The following LMBR1 variants were observed in gnomAD, a reference collection of about 807,000 sequenced individuals.
LMBR1 encodes the protein limb development membrane protein 1, also known as limb region 1 protein homolog.
Under a neutral mutation model 73.9 loss-of-function variants are expected in LMBR1, and 52 were observed. The ratio of observed to expected loss-of-function variants is 0.70; its 90% confidence interval spans 0.56 to 0.89. The LOEUF is 0.89. LMBR1 is among the 40% of genes least tolerant of loss of function. The pLI is 0.00. For missense variants in LMBR1, 539 were observed against 579.8 expected, an observed-to-expected ratio of 0.93 and a Z score of 0.72; for synonymous variants, 215 against 209.4, an observed-to-expected ratio of 1.03 and a Z score of -0.23.
At chr7:156,872,377 G>A (rs1799428082) in intron 1 of LMBR1, among the ~76,000 whole-genome samples, 1 of 152,216 alleles carries the variant, frequency 6.6e-6, no homozygotes, top group African/African-American at 2.4e-5. Context: ...GCCAGGCATG[G>A]TAGCTCATGC....
At chr7:156,739,034 G>A (rs28887280) in intron 9 of LMBR1, among the ~76,000 whole-genome samples, 11,016 of 152,138 alleles carry the variant, frequency 0.072, 565 homozygotes, top group East Asian at 0.15. Flanking sequence ...TGGGGCCCCC[G>A]AAACCAGGCC....
intron 2 of LMBR1, 69 bp from the exon 3 acceptor site, chr7:156,833,861 C>A: frequency 9.9e-7 from 1 of 1,005,486 alleles, no homozygotes; most frequent in Non-Finnish European, 1.5e-6. Flanking sequence ...TTTATTAAAA[C>A]TATAAACACA....
At chr7:156,804,904 T>C (rs1035569580) in intron 4 of LMBR1, among the ~76,000 whole-genome samples, 3 of 152,198 alleles carry the variant, frequency 2.0e-5, no homozygotes, top group African/African-American at 7.2e-5. Context: ...TAAAAAATTA[T>C]GGCCTAGTTC....
At chr7:156,810,858 G>T (rs1392674733) in intron 4 of LMBR1, among the ~76,000 whole-genome samples, 2 of 151,384 alleles carry the variant, frequency 1.3e-5, no homozygotes, top group East Asian at 3.9e-4. Flanking sequence ...ACCCAGGCTG[G>T]AGTACAGTGG....
chr7:156,765,888 A>C (rs1823989437), intron 5 of LMBR1, among the ~76,000 whole-genome samples: 2 of 152,154 alleles, frequency 1.3e-5, no homozygotes, highest in African/African-American at 2.4e-5. Context: ...AAGTGTTACA[A>C]TATATGAACT....
chr7:156,786,622 C>A (rs755330921), intron 5 of LMBR1, among the ~76,000 whole-genome samples: 5 of 152,056 alleles, frequency 3.3e-5, no homozygotes, highest in Admixed American at 6.6e-5. Context: ...AGAGTGAAAC[C>A]AACTATCAAA....
intron 5 of LMBR1, among the ~76,000 whole-genome samples, chr7:156,768,347 G>A (rs1824523423): frequency 6.6e-6 from 1 of 151,922 alleles, no homozygotes; most frequent in Non-Finnish European, 1.5e-5. Flanking sequence ...GGGCAACAGA[G>A]TGACTCGGTC....
intron 1 of LMBR1, among the ~76,000 whole-genome samples, chr7:156,888,670 C>A (rs1018840391): frequency 6.6e-6 from 1 of 152,194 alleles, no homozygotes; most frequent in African/African-American, 2.4e-5. Flanking sequence ...GTAATCCCAG[C>A]ACTTTGGGAG....
At chr7:156,836,742 T>C in intron 2 of LMBR1, 71 bp downstream of exon 2, 1 of 957,486 alleles carries the variant, frequency 1.0e-6, no homozygotes, top group Admixed American at 2.6e-5. Flanking sequence ...AGTGTACTAA[T>C]ATATCTTATA....
At chr7:156,695,062 C>A (rs1808003142) in intron 15 of LMBR1, among the ~76,000 whole-genome samples, 1 of 152,226 alleles carries the variant, frequency 6.6e-6, no homozygotes, top group Non-Finnish European at 1.5e-5. Context: ...GTAATCCCAG[C>A]CCTTTGGGAG....
At chr7:156,740,645 T>C (rs1212487957) in intron 9 of LMBR1, among the ~76,000 whole-genome samples, 1 of 152,076 alleles carries the variant, frequency 6.6e-6, no homozygotes, top group African/African-American at 2.4e-5. Flanking sequence ...GTATATCTGG[T>C]GAAAATATCC....
chr7:156,857,238 A>G (rs1586266781), intron 1 of LMBR1, among the ~76,000 whole-genome samples: 1 of 152,224 alleles, frequency 6.6e-6, no homozygotes, highest in East Asian at 1.9e-4. Flanking sequence ...ATACTTAACT[A>G]TATGTTGTCT....
chr7:156,736,062 C>T (rs1370688889), intron 9 of LMBR1, among the ~76,000 whole-genome samples: 1 of 152,028 alleles, frequency 6.6e-6, no homozygotes, highest in Non-Finnish European at 1.5e-5. Flanking sequence ...TGACTCAGTC[C>T]CGAGTACTCC....
At chr7:156,867,147 C>T (rs76297398) in intron 1 of LMBR1, among the ~76,000 whole-genome samples, 4,286 of 152,116 alleles carry the variant, frequency 0.028, 209 homozygotes, top group African/African-American at 0.098. Context: ...ACACAACAGC[C>T]GATAAGCACA....
intron 4 of LMBR1, among the ~76,000 whole-genome samples, chr7:156,807,026 C>T (rs1832258283): frequency 7.3e-6 from 1 of 137,016 alleles, no homozygotes; most frequent in South Asian, 2.2e-4. Context: ...ATTGTTACGA[C>T]CATATGACTT....
chr7:156,715,462 ACT>A (rs777662885), intron 15 of LMBR1, among the ~76,000 whole-genome samples: 2 of 152,000 alleles, frequency 1.3e-5, no homozygotes, highest in East Asian at 1.9e-4. Context: ...CCATTTAGTT[ACT>A]CTTTTTTCTT....
At chr7:156,872,577 G>A (rs1265225929) in intron 1 of LMBR1, among the ~76,000 whole-genome samples, 2 of 151,922 alleles carry the variant, frequency 1.3e-5, no homozygotes, top group South Asian at 2.1e-4. Flanking sequence ...AACCAGGGAG[G>A]CGGAGGCTGC....
At chr7:156,704,330 C>T (rs1329587471) in intron 15 of LMBR1, among the ~76,000 whole-genome samples, 1 of 152,122 alleles carries the variant, frequency 6.6e-6, no homozygotes, top group Non-Finnish European at 1.5e-5. Flanking sequence ...CCACAGCTAC[C>T]ACAAAGGCTA....
intron 1 of LMBR1, among the ~76,000 whole-genome samples, chr7:156,851,498 C>A (rs1796229156): frequency 6.6e-6 from 1 of 152,086 alleles, no homozygotes; most frequent in Admixed American, 6.6e-5. Context: ...ATACAACATG[C>A]TGTGAAATAT....
Sources: gnomAD v4.1 joint callset for allele counts (sites outside exome capture counted in the v4.1 genomes callset) on GRCh38, gnomAD v4.1.1 for gene constraint, MANE v1.5 for transcripts, NCBI Gene and HGNC (gene_info 2026-07-23, HGNC 2026-07-21) for gene names.